The following NALCN variants were observed in gnomAD, a reference collection of about 807,000 sequenced individuals.
NALCN encodes the protein sodium leak channel NALCN.
In NALCN, 111 loss-of-function variants were observed where a neutral mutation model predicts 225.3. The observed-to-expected ratio is 0.49, with a 90% CI of 0.42 to 0.58. The LOEUF (loss-of-function observed/expected upper bound fraction) is 0.58, where lower values mean the gene tolerates loss of function less well. Ranked by LOEUF, NALCN falls within the 20% of genes least tolerant of loss-of-function variation. NALCN has a pLI of 0.00. For missense variants in NALCN, 1,378 were observed against 2,202.4 expected, an observed-to-expected ratio of 0.63 and a Z score of 7.49; for synonymous variants, 764 against 769.0, an observed-to-expected ratio of 0.99 and a Z score of 0.11.
rs1197826299 is a variant in NALCN, at chr13:101,242,991, T to A, written c.1267-5069A>T. Among the ~76,000 whole-genome samples, 11 of 105,440 alleles carry A rather than the reference T, an allele frequency of 1.0e-4. 3 individuals carry two copies. Among genetic ancestry groups the A allele is most frequent in the Admixed American group, 9.8e-4 (11 of 11,220 alleles). The allele number at this position is 105,440 out of a possible 152,430, so 69.2% of individuals were successfully genotyped here. On this transcript the variant is annotated intron_variant, in intron 11 of 43. Transcript: ENST00000251127. ...TTTAGGGGCTGAACAAGGTTACTTC[T>A]TTATGCTTGCAACCTAGGAAGGTCA...
chr13:101,065,657 G>T (rs2032320984), intron 39 of NALCN, 96 bp from the exon 40 acceptor site: 1 of 1,458,668 alleles, frequency 6.9e-7, no homozygotes, highest in Non-Finnish European at 9.2e-7. Flanking sequence ...TTTCTCAAAA[G>T]CTAGCATAAT....
At chr13:101,169,194 A>G (rs553360750) in intron 15 of NALCN, among the ~76,000 whole-genome samples, 2 of 152,250 alleles carry the variant, frequency 1.3e-5, no homozygotes, top group African/African-American at 2.4e-5. Flanking sequence ...CCCCAACACA[A>G]TATCTATAGC....
chr13:101,364,143 A>C (rs553833065), intron 6 of NALCN, among the ~76,000 whole-genome samples: 1 of 152,246 alleles, frequency 6.6e-6, no homozygotes, highest in Admixed American at 6.6e-5. Context: ...AAATTCTGAC[A>C]GCCACTGTGA....
rs193251471 is a variant in NALCN, at chr13:101,190,827, T to C, written c.1764+1090A>G. Among the ~76,000 whole-genome samples, 102 of 152,316 alleles carry C rather than the reference T, an allele frequency of 6.7e-4. 2 individuals carry two copies. The highest frequency in any genetic ancestry group is 6.8e-3 in the Middle Eastern group (2 of 294). ...ATGTGAGTGATTCTTTGGCAGAAGTTTGATTTGACAAAGACATTTTTTCAG... is the reference window on the plus strand; with the variant it reads ...ATGTGAGTGATTCTTTGGCAGAAGTCTGATTTGACAAAGACATTTTTTCAG... On this transcript the variant is annotated intron_variant, in intron 14 of 43. Transcript: ENST00000251127.
In NALCN at chr13:101,096,850, C is replaced by T. The variant is rs2034534591; in HGVS notation, c.3163-1170G>A. On this transcript the variant is annotated intron_variant, in intron 27 of 43. Coordinates refer to ENST00000251127, the MANE Select transcript of NALCN (RefSeq NM_052867.4). ...TGGCTATGATGGTCATATTTTGAAC[C>T]TAAATCTCTTTTCTGGGTTCAAGGT... Among the ~76,000 whole-genome samples, 3 of 152,088 alleles carry T rather than the reference C, an allele frequency of 2.0e-5. No homozygotes were observed. The South Asian group carries it at 6.2e-4, about 32-fold the overall frequency.
chr13:101,176,063 C>A (rs566772929), intron 15 of NALCN, among the ~76,000 whole-genome samples: 4 of 152,226 alleles, frequency 2.6e-5, no homozygotes, highest in African/African-American at 9.6e-5. Context: ...TATACTCTGC[C>A]CATTTTACTT....
chr13:101,375,163 T>C (rs1179211511), intron 6 of NALCN, among the ~76,000 whole-genome samples: 1 of 152,186 alleles, frequency 6.6e-6, no homozygotes, highest in Non-Finnish European at 1.5e-5. Flanking sequence ...GCCTACCACC[T>C]CAGCATGTAA....
intron 37 of NALCN, among the ~76,000 whole-genome samples, chr13:101,071,840 C>T (rs2032911810): frequency 6.6e-6 from 1 of 152,152 alleles, no homozygotes; most frequent in African/African-American, 2.4e-5. Context: ...TAAGCTTAAT[C>T]ATTTCTAGCT....
chr13:101,328,901 A>ACC (rs1272546066), intron 7 of NALCN, among the ~76,000 whole-genome samples: 1 of 152,130 alleles, frequency 6.6e-6, no homozygotes, highest in Non-Finnish European at 1.5e-5. Context: ...CAGAATACTC[A>ACC]CTATTGTAGC....
At chr13:101,060,275 G>GC (rs1555373024) in intron 41 of NALCN, among the ~76,000 whole-genome samples, 1 of 79,854 alleles carries the variant, frequency 1.3e-5, no homozygotes, top group Non-Finnish European at 2.3e-5. Flanking sequence ...GGTGTTTTCT[G>GC]TTTTTTTTTT....
Position 101,289,539 on chromosome 13 carries a change from T to C in NALCN, c.1047+2451A>G, listed in dbSNP as rs560289599. On this transcript the variant is annotated intron_variant, in intron 9 of 43. Transcript: ENST00000251127. ...CTGAAAATGTGCATATATATATATA[T>C]ATATATATATACACATATTTTCTAT... is the stretch of plus-strand genomic sequence containing the variant. Among the ~76,000 whole-genome samples the C allele has an allele frequency of 4.6e-5, 6 of 129,404 alleles. No individual in the cohort carries two copies. In the South Asian group the frequency reaches 1.5e-3, roughly 32 times the overall value. 84.9% of individuals were successfully genotyped at this position (129,404 alleles called of 152,430 possible). A position where few individuals can be genotyped will look rare whatever the true frequency, so the allele number is the denominator to read the frequency against.
intron 40 of NALCN, among the ~76,000 whole-genome samples, chr13:101,062,493 C>T (rs1366748090): frequency 3.3e-5 from 5 of 152,150 alleles, no homozygotes; most frequent in African/African-American, 1.2e-4. Flanking sequence ...CACACTTAGC[C>T]CCCCGAGGTG....
intron 9 of NALCN, among the ~76,000 whole-genome samples, chr13:101,285,772 C>G (rs1313634450): frequency 6.6e-6 from 1 of 152,106 alleles, no homozygotes; most frequent in African/African-American, 2.4e-5. Context: ...AGTGGAGATG[C>G]AAACCTGTTA....
At chr13:101,150,207 C>T (rs913575092) in intron 15 of NALCN, among the ~76,000 whole-genome samples, 6 of 150,174 alleles carry the variant, frequency 4.0e-5, no homozygotes, top group East Asian at 4.0e-4. Flanking sequence ...GTGGCACTGA[C>T]GTGTGCTGCC....
chr13:101,111,137 C>A lies in NALCN; in HGVS notation c.2282G>T (p.Arg761Leu). Residue 761 changes from arginine to leucine, a missense_variant, in exon 19 of 44, where the codon CGC becomes CTC. Around this residue, in one of 19 missense-constraint regions of NALCN, gnomAD observed 66 missense variants for 85.7 expected, o/e 0.77. Transcript: ENST00000251127. ...RSILSVQHHI[R>L]QERRSLRHGS... is the part of the protein sequence containing the mutation. Reference sequence around the variant, plus strand: ...CCCAAGTATTTACCTGCGCTCTTGGCGGATATGATGCTGCACGCTGAGGAT... The same window carrying A: ...CCCAAGTATTTACCTGCGCTCTTGGAGGATATGATGCTGCACGCTGAGGAT... 2.5e-6 allele frequency: 4 copies of A among 1,605,730 alleles called. No homozygotes were observed. Among genetic ancestry groups the A allele is most frequent in the Non-Finnish European group, 2.6e-6 (3 of 1,173,748 alleles).
intron 25 of NALCN, 81 bp from the exon 26 acceptor site, chr13:101,103,420 A>G (rs776120968): frequency 1.6e-4 from 232 of 1,475,318 alleles, no homozygotes; most frequent in Non-Finnish European, 2.1e-4. Context: ...ACTGGCCACA[A>G]CTTTTCATTT....
intron 1 of NALCN, among the ~76,000 whole-genome samples, chr13:101,416,023 C>G (rs116337656): frequency 0.1 from 15,358 of 152,168 alleles, 840 homozygotes; most frequent in African/African-American, 0.13. Flanking sequence ...CAGGCGCCCC[C>G]GACACCCACG....
intron 15 of NALCN, among the ~76,000 whole-genome samples, chr13:101,166,405 G>T (rs76480159): frequency 6.7e-6 from 1 of 148,922 alleles, no homozygotes; most frequent in Admixed American, 6.7e-5. Context: ...TTGCCAAACT[G>T]TTTTTTTTTT....
intron 15 of NALCN, among the ~76,000 whole-genome samples, chr13:101,153,288 C>G (rs2037741935): frequency 6.6e-6 from 1 of 152,154 alleles, no homozygotes; most frequent in Non-Finnish European, 1.5e-5. Context: ...ATGTGCTATA[C>G]AAACCAAAGC....
Sources: gnomAD v4.1 joint callset for allele counts (sites outside exome capture counted in the v4.1 genomes callset) on GRCh38, gnomAD v4.1.1 for gene constraint, gnomAD v4.1.1 regional missense constraint, MANE v1.5 for transcripts, NCBI Gene and HGNC (gene_info 2026-07-23, HGNC 2026-07-21) for gene names.